The following DTWD2 variants were observed in gnomAD, a reference collection of about 807,000 sequenced individuals.
The protein encoded by DTWD2 is DTW motif tRNA-uridine aminocarboxypropyltransferase 2, also known as tRNA-uridine aminocarboxypropyltransferase 2.
Under a neutral mutation model 31.8 loss-of-function variants are expected in DTWD2, and 39 were observed. That is an observed-to-expected ratio of 1.22 (90% CI 0.95 to 1.60). The LOEUF (loss-of-function observed/expected upper bound fraction) is 1.60, where lower values mean the gene tolerates loss of function less well. Among genes scored for constraint, DTWD2 ranks in the 40% most tolerant of loss-of-function variants. The probability of loss-of-function intolerance (pLI) is 0.00; values close to 1 mark genes in which losing one functional copy is unlikely to be tolerated. For missense variants in DTWD2, 515 were observed against 381.5 expected, an observed-to-expected ratio of 1.35 and a Z score of -2.92; for synonymous variants, 180 against 142.8, an observed-to-expected ratio of 1.26 and a Z score of -1.86.
intron 4 of DTWD2, among the ~76,000 whole-genome samples, chr5:118,901,989 T>C (rs1258446357): frequency 6.6e-6 from 1 of 152,218 alleles, no homozygotes; most frequent in Non-Finnish European, 1.5e-5. Flanking sequence ...TTTTAATAAT[T>C]CATACTTAAT....
intron 1 of DTWD2, among the ~76,000 whole-genome samples, chr5:118,947,070 ACTTACTCAGCCCACAGCT>A (rs1561466635): frequency 6.6e-6 from 1 of 152,080 alleles, no homozygotes; most frequent in African/African-American, 2.4e-5. Context: ...TGCCTGCCTC[ACTTACTCAGCCCACAGCT>A]CTCAACGCCT....
At chr5:118,955,939 T>C (rs1754575419) in intron 1 of DTWD2, among the ~76,000 whole-genome samples, 1 of 152,188 alleles carries the variant, frequency 6.6e-6, no homozygotes, top group African/African-American at 2.4e-5. Flanking sequence ...CTAGAATTTA[T>C]ATAGATATGA....
At chr5:118,962,244 A>C (rs1754723260) in intron 1 of DTWD2, among the ~76,000 whole-genome samples, 1 of 152,234 alleles carries the variant, frequency 6.6e-6, no homozygotes, top group African/African-American at 2.4e-5. Flanking sequence ...GTCTCAAAAA[A>C]AAAGAAAATT....
At position 118,836,453 on chromosome 5, in the gene DTWD2, G is replaced by T. The variant is rs954835655; in HGVS notation, c.*4464C>A. Reference sequence around the variant, plus strand: ...GAGGTTTCACCATCTTGGCCAGGCTGGTCTTGAACTCCTGACCTCGTGATC... The same window carrying T: ...GAGGTTTCACCATCTTGGCCAGGCTTGTCTTGAACTCCTGACCTCGTGATC... On this transcript the variant is annotated 3_prime_UTR_variant, in exon 6 of 6. Coordinates refer to ENST00000510708, the MANE Select transcript of DTWD2 (RefSeq NM_173666.4). Among the ~76,000 whole-genome samples, 14 of 152,034 alleles carry T rather than the reference G, an allele frequency of 9.2e-5. No homozygotes were observed. The highest frequency in any genetic ancestry group is 3.1e-4 in the African/African-American group (13 of 41,354).
intron 4 of DTWD2, among the ~76,000 whole-genome samples, chr5:118,850,477 C>CAAAAAAAAAAAAAAAAA (rs34808087): frequency 3.3e-5 from 1 of 30,466 alleles, no homozygotes; most frequent in African/African-American, 1.0e-4. Context: ...GACCCCACCA[C>CAAAAAAAAAAAAAAAAA]AAAAAAAAAA....
intron 3 of DTWD2, among the ~76,000 whole-genome samples, chr5:118,929,490 T>G (rs1425299800): frequency 1.1e-5 from 1 of 93,754 alleles, no homozygotes. Flanking sequence ...GTCACTTCCC[T>G]TTTTTTTTTT....
chr5:118,869,100 A>G (rs1561433866), intron 4 of DTWD2, among the ~76,000 whole-genome samples: 1 of 152,124 alleles, frequency 6.6e-6, no homozygotes, highest in African/African-American at 2.4e-5. Context: ...TGCAAGAGAA[A>G]AAGAGTTGCG....
At chr5:118,866,407 A>G (rs1752381766) in intron 4 of DTWD2, among the ~76,000 whole-genome samples, 1 of 152,196 alleles carries the variant, frequency 6.6e-6, no homozygotes, top group Non-Finnish European at 1.5e-5. Context: ...CCATGGGTCA[A>G]TTACACTCAT....
At chr5:118,987,866 T>C (rs767249090) in intron 1 of DTWD2, among the ~76,000 whole-genome samples, 1 of 152,172 alleles carries the variant, frequency 6.6e-6, no homozygotes. Flanking sequence ...AAAGGCCCTA[T>C]ATTTAGAGTT....
intron 4 of DTWD2, among the ~76,000 whole-genome samples, chr5:118,890,320 T>C (rs1279100982): frequency 6.6e-6 from 1 of 152,216 alleles, no homozygotes; most frequent in African/African-American, 2.4e-5. Context: ...TAGTCTTATA[T>C]ATACTTCAGT....
intron 1 of DTWD2, among the ~76,000 whole-genome samples, chr5:118,965,960 T>G (rs564171725): frequency 1.6e-4 from 23 of 146,750 alleles, no homozygotes; most frequent in South Asian, 4.3e-4. Context: ...AATAAATAAA[T>G]AAATAAAAGA....
intron 1 of DTWD2, among the ~76,000 whole-genome samples, chr5:118,951,024 C>G (rs145933454): frequency 1.6e-4 from 25 of 152,082 alleles, no homozygotes; most frequent in African/African-American, 6.0e-4. Flanking sequence ...AAACAAGCCA[C>G]GGACTGGGCT....
At chr5:118,900,499 C>T (rs1205763090) in intron 4 of DTWD2, among the ~76,000 whole-genome samples, 5 of 152,086 alleles carry the variant, frequency 3.3e-5, no homozygotes, top group African/African-American at 9.7e-5. Flanking sequence ...TAAAGAAGCA[C>T]TCATTTTATA....
chr5:118,892,028 T>C (rs942675476), intron 4 of DTWD2, among the ~76,000 whole-genome samples: 5 of 152,210 alleles, frequency 3.3e-5, no homozygotes, highest in Admixed American at 2.6e-4. Context: ...ATTTTAATAA[T>C]ATTTTATTTA....
chr5:118,916,712 A>G (rs1463243845), intron 4 of DTWD2, among the ~76,000 whole-genome samples: 1 of 152,098 alleles, frequency 6.6e-6, no homozygotes, highest in Non-Finnish European at 1.5e-5. Flanking sequence ...CTAATAAAAC[A>G]GAAACATAAT....
intron 3 of DTWD2, among the ~76,000 whole-genome samples, chr5:118,929,382 T>C (rs1464304743): frequency 6.6e-6 from 1 of 152,194 alleles, no homozygotes; most frequent in Non-Finnish European, 1.5e-5. Flanking sequence ...ACTTCAACCA[T>C]TCACAGAGTG....
intron 1 of DTWD2, chr5:118,988,006 C>A: frequency 1.5e-6 from 1 of 683,832 alleles, no homozygotes; most frequent in Non-Finnish European, 2.7e-6. Flanking sequence ...TCACCCCTTA[C>A]TTCCCCTATT....
intron 1 of DTWD2, among the ~76,000 whole-genome samples, chr5:118,978,271 C>T (rs573828929): frequency 6.6e-6 from 1 of 152,192 alleles, no homozygotes; most frequent in South Asian, 2.1e-4. Flanking sequence ...CTAGAAAAAC[C>T]CTAGAAGAAA....
At chr5:118,873,705 C>G (rs1752560262) in intron 4 of DTWD2, among the ~76,000 whole-genome samples, 1 of 152,246 alleles carries the variant, frequency 6.6e-6, no homozygotes. Context: ...CAGCAACTCA[C>G]ACTTGCGCTA....
Sources: allele counts gnomAD v4.1 joint callset (sites outside exome capture counted in the v4.1 genomes callset), GRCh38; gene constraint gnomAD v4.1.1; transcripts MANE v1.5; gene names NCBI Gene and HGNC (gene_info 2026-07-23, HGNC 2026-07-21).